C13orf42: variants seen among roughly 807,000 people sequenced by gnomAD.
C13orf42 encodes the protein chromosome 13 open reading frame 42.
At chr13:51,086,303 C>T (rs1173756657) in intron 2 of C13orf42, among the ~76,000 whole-genome samples, 1 of 132,178 alleles carries the variant, frequency 7.6e-6, no homozygotes, top group Non-Finnish European at 1.6e-5. Flanking sequence ...GAGACTCCGT[C>T]TCAAAAAAAA....
At chr13:51,153,637 T>C (rs1265269083) in intron 1 of C13orf42, among the ~76,000 whole-genome samples, 11 of 131,686 alleles carry the variant, frequency 8.4e-5, no homozygotes, top group African/African-American at 2.3e-4. Flanking sequence ...TTTCTTTTTT[T>C]TTTTTTTTTT....
chr13:51,110,613 G>A (rs1227516041), intron 1 of C13orf42, among the ~76,000 whole-genome samples, 183 bp downstream of exon 1: 1 of 152,170 alleles, frequency 6.6e-6, no homozygotes, highest in East Asian at 1.9e-4. Flanking sequence ...TAATAAACAT[G>A]GGCTTAGCCA....
intron 1 of C13orf42, among the ~76,000 whole-genome samples, chr13:51,092,057 C>T (rs1041930491): frequency 6.6e-6 from 1 of 152,190 alleles, no homozygotes; most frequent in Non-Finnish European, 1.5e-5. Flanking sequence ...GGCGCACTTT[C>T]CCATTCTGAT....
chr13:51,170,958 TC>T (rs1953945181), intron 1 of C13orf42, among the ~76,000 whole-genome samples: 1 of 150,946 alleles, frequency 6.6e-6, no homozygotes, highest in Admixed American at 6.6e-5. Flanking sequence ...CACCCCAACC[TC>T]TTATCTCTGT....
intron 1 of C13orf42, among the ~76,000 whole-genome samples, chr13:51,154,987 A>T (rs6561620): frequency 0.46 from 69,854 of 152,018 alleles, 16,082 homozygotes; most frequent in Non-Finnish European, 0.5. Context: ...TCTTAGGTAG[A>T]ACGTTTTATC....
intron 1 of C13orf42, among the ~76,000 whole-genome samples, chr13:51,160,093 A>G (rs144131693): frequency 2.5e-4 from 38 of 152,326 alleles, no homozygotes; most frequent in African/African-American, 8.9e-4. Context: ...CCCTCCCACA[A>G]CACGTGGGAC....
At chr13:51,110,068 C>T (rs1197631144) in intron 1 of C13orf42, among the ~76,000 whole-genome samples, 2 of 152,210 alleles carry the variant, frequency 1.3e-5, no homozygotes, top group African/African-American at 2.4e-5. Flanking sequence ...CCAAGAGACA[C>T]AGACTCTCTC....
intron 1 of C13orf42, among the ~76,000 whole-genome samples, chr13:51,118,538 C>T (rs1006836652): frequency 6.6e-6 from 1 of 152,210 alleles, no homozygotes; most frequent in Non-Finnish European, 1.5e-5. Flanking sequence ...TCAGTCAACA[C>T]TGGGGCAGAG....
At chr13:51,164,922 G>A (rs1463074843) in intron 1 of C13orf42, among the ~76,000 whole-genome samples, 1 of 152,190 alleles carries the variant, frequency 6.6e-6, no homozygotes, top group Non-Finnish European at 1.5e-5. Context: ...ACGCTGACTT[G>A]GAGATATCCA....
intron 1 of C13orf42, among the ~76,000 whole-genome samples, chr13:51,101,488 A>G (rs1953290249): frequency 6.6e-6 from 1 of 152,196 alleles, no homozygotes; most frequent in African/African-American, 2.4e-5. Context: ...CCACATGAAT[A>G]TACGCAAACC....
rs575785616 is a variant in C13orf42, at chr13:51,086,735, G to T, written c.563-1176C>A. On this transcript the variant is annotated intron_variant, in intron 2 of 3. Transcript: ENST00000563710. ...TATTAAAAATTATAACTCTGAAAAT[G>T]ACCCTTGCATCCTTAGTGGATTTTG... Among the ~76,000 whole-genome samples, 3 of 152,190 alleles carry T rather than the reference G, an allele frequency of 2.0e-5. No individual in the cohort carries two copies. The South Asian group carries it at 6.2e-4, about 32-fold the overall frequency.
intron 1 of C13orf42, among the ~76,000 whole-genome samples, chr13:51,125,425 G>T (rs1201018084): frequency 6.6e-6 from 1 of 152,136 alleles, no homozygotes; most frequent in African/African-American, 2.4e-5. Flanking sequence ...GATTATGCTT[G>T]TCGAGAATGT....
chr13:51,097,482 C>T (rs542581793), intron 1 of C13orf42, among the ~76,000 whole-genome samples: 2 of 152,230 alleles, frequency 1.3e-5, no homozygotes, highest in Admixed American at 6.5e-5. Flanking sequence ...GGGGCTGAGC[C>T]TTTTCTATTT....
chr13:51,087,224 G>A (rs961916548), intron 2 of C13orf42, among the ~76,000 whole-genome samples: 8 of 152,266 alleles, frequency 5.3e-5, no homozygotes, highest in African/African-American at 1.2e-4. Flanking sequence ...CCAAGGACAC[G>A]CCTTGGTGAG....
intron 1 of C13orf42, among the ~76,000 whole-genome samples, chr13:51,165,192 T>A (rs1338835067): frequency 6.6e-6 from 1 of 152,194 alleles, no homozygotes; most frequent in African/African-American, 2.4e-5. Flanking sequence ...CAGACCCTCC[T>A]GGCTGAGCTG....
Position 51,085,483 on chromosome 13 carries a change from G to A in C13orf42, c.639C>T (p.Ile213=), listed in dbSNP as rs559459585. 1.8e-5 allele frequency: 7 copies of A among 398,638 alleles called. No homozygotes were observed. The highest frequency in any genetic ancestry group is 3.6e-5 in the East Asian group (1 of 28,074). The allele number at this position is 398,638 out of a possible 1,614,324, so 24.7% of individuals were successfully genotyped here. ...LRAPRRHSED[I]AAHTVHTVDG... The stretch of plus-strand genomic sequence containing the variant: ...CTACAGTATGCACAGTGTGGGCAGC[G>A]ATATCCTCGGAGTGTCTGCGCGGTG... Residue 213 remains isoleucine, a synonymous_variant, in exon 3 of 4, where the codon ATC becomes ATT. Coordinates refer to ENST00000563710, the MANE Select transcript of C13orf42 (RefSeq NM_001351589.3).
chr13:51,085,137 C>CA (rs201730739), intron 3 of C13orf42, among the ~76,000 whole-genome samples, 182 bp downstream of exon 3: 5 of 143,378 alleles, frequency 3.5e-5, no homozygotes, highest in Admixed American at 1.4e-4. Flanking sequence ...TGCAGACTAC[C>CA]AAAAAAAAAT....
chr13:51,112,611 C>T (rs2138005857), upstream of C13orf42, among the ~76,000 whole-genome samples: 1 of 152,344 alleles, frequency 6.6e-6, no homozygotes. Context: ...ACAGTTGTAG[C>T]ATGCTTTAGG....
At chr13:51,123,046 G>A (rs1369912663) in intron 1 of C13orf42, among the ~76,000 whole-genome samples, 1 of 152,134 alleles carries the variant, frequency 6.6e-6, no homozygotes, top group Non-Finnish European at 1.5e-5. Flanking sequence ...TAGCTAATCC[G>A]TTTTCTTTGA....
Sources: gnomAD v4.1 joint callset for allele counts (sites outside exome capture counted in the v4.1 genomes callset) on GRCh38, gnomAD v4.1.1 for gene constraint, MANE v1.5 for transcripts, NCBI Gene and HGNC (gene_info 2026-07-23, HGNC 2026-07-21) for gene names.